Variants in RAP1GAP2 observed in about 807,000 individuals in gnomAD.
RAP1GAP2 encodes the protein rap1 GTPase-activating protein 2.
RAP1GAP2 carries 27 observed loss-of-function variants against 95.0 expected under a neutral mutation model. The ratio of observed to expected loss-of-function variants is 0.28; its 90% CI spans 0.21 to 0.39. The LOEUF (loss-of-function observed/expected upper bound fraction) is 0.39, where lower values mean the gene tolerates loss of function less well. RAP1GAP2 is among the 10% of genes least tolerant of loss of function. The probability of loss-of-function intolerance (pLI) is 1.00; values close to 1 mark genes in which losing one functional copy is unlikely to be tolerated. For missense variants in RAP1GAP2, 771 were observed against 970.0 expected, an observed-to-expected ratio of 0.79 and a Z score of 2.72; for synonymous variants, 373 against 380.9, an observed-to-expected ratio of 0.98 and a Z score of 0.24.
chr17:3,014,432 G>A (rs2046684480), intron 17 of RAP1GAP2, among the ~76,000 whole-genome samples: 1 of 152,122 alleles, frequency 6.6e-6, no homozygotes, highest in Non-Finnish European at 1.5e-5. Context: ...TGACTGCAGT[G>A]TCATTGTGTG....
chr17:2,768,344 C>T (rs1215574411), intron 1 of RAP1GAP2, among the ~76,000 whole-genome samples: 1 of 152,170 alleles, frequency 6.6e-6, no homozygotes, highest in East Asian at 1.9e-4. Flanking sequence ...GTTTCTCTCC[C>T]CACAGGAGGG....
chr17:2,881,857 G>A (rs1430284537), intron 2 of RAP1GAP2, among the ~76,000 whole-genome samples: 1 of 152,132 alleles, frequency 6.6e-6, no homozygotes, highest in Non-Finnish European at 1.5e-5. Flanking sequence ...GTCTCGCTAT[G>A]TCGCCCAAGC....
chr17:2,847,297 G>A (rs755166915), intron 2 of RAP1GAP2, among the ~76,000 whole-genome samples: 2 of 152,134 alleles, frequency 1.3e-5, no homozygotes, highest in Non-Finnish European at 1.5e-5. Context: ...GTGAGCCACC[G>A]CGCCCGGCAT....
At chr17:3,032,364 G>A (rs1452719690) in intron 23 of RAP1GAP2, 47 bp from the exon 24 acceptor site, 2 of 1,613,090 alleles carry the variant, frequency 1.2e-6, no homozygotes, top group South Asian at 1.1e-5. Flanking sequence ...GAAGGGACCT[G>A]TGCTGTCTGG....
At chr17:2,824,093 A>G (rs1317541702) in intron 2 of RAP1GAP2, among the ~76,000 whole-genome samples, 2 of 144,744 alleles carry the variant, frequency 1.4e-5, no homozygotes, top group East Asian at 2.1e-4. Context: ...ACTGCACTCC[A>G]GCCTGGGTGA....
Position 2,963,836 on chromosome 17 carries a change from G to A in RAP1GAP2, c.280-20G>A, listed in dbSNP as rs377088785. 7.7e-6 allele frequency: 12 copies of A among 1,559,610 alleles called. No individual in the cohort carries two copies. The highest frequency in any genetic ancestry group is 1.9e-5 in the Admixed American group (1 of 53,400). On this transcript the variant is annotated intron_variant, in intron 6 of 24. Coordinates refer to ENST00000254695, the MANE Select transcript of RAP1GAP2 (RefSeq NM_015085.5). The surrounding 1 kb of genome is among the most constrained non-coding windows in gnomAD (Gnocchi z 4.8). ...CCCCTGCGGTCCCAGGGGAGCGCAC[G>A]ACCCTCCCTCTGCCTTCAGGTTGTG... is the stretch of plus-strand genomic sequence containing the variant.
At position 2,892,613 on chromosome 17, in the gene RAP1GAP2, A is replaced by G. The variant is rs1324632014; in HGVS notation, c.81-12671A>G. On this transcript the variant is annotated intron_variant, in intron 2 of 24. Transcript: ENST00000254695. ...TTGGAGCATCTGGGCATCTCTCTCC[A>G]TGTAGCCTCTCCATGTTCCCAGCTG... Among the ~76,000 whole-genome samples, 6 of 152,168 alleles carry G rather than the reference A, an allele frequency of 3.9e-5. No individual in the cohort carries two copies. In the East Asian group the frequency reaches 1.2e-3, roughly 29 times the overall value.
In RAP1GAP2 at chr17:3,034,363, C is replaced by T. The variant is rs983441646; in HGVS notation, c.*1002C>T. 5 of 242,946 alleles carry T rather than the reference C, an allele frequency of 2.1e-5. No homozygotes were observed. Among genetic ancestry groups the T allele is most frequent in the Non-Finnish European group, 3.4e-5 (4 of 119,158 alleles). The allele number at this position is 242,946 out of a possible 1,614,324, so 15.0% of individuals were successfully genotyped here. Reference sequence around the variant, plus strand: ...GCTGACAATGGGGGTTCAAGGAAGACGTCGTTATCTCCCCTCCCCACTTAC... The same window carrying T: ...GCTGACAATGGGGGTTCAAGGAAGATGTCGTTATCTCCCCTCCCCACTTAC... On this transcript the variant is annotated 3_prime_UTR_variant, in exon 25 of 25. Transcript: ENST00000254695. The surrounding 1 kb of genome is among the most constrained non-coding windows in gnomAD (Gnocchi z 5.1).
At chr17:2,885,352 G>C (rs1172712216) in intron 2 of RAP1GAP2, among the ~76,000 whole-genome samples, 3 of 152,198 alleles carry the variant, frequency 2.0e-5, no homozygotes, top group Non-Finnish European at 2.9e-5. Context: ...CGTCTTGGCA[G>C]ATCCGGCTGG....
In RAP1GAP2 at chr17:2,965,621, G is replaced by A. The variant is rs1192211526; in HGVS notation, c.574G>A (p.Glu192Lys). ...SVKCEEAEGI[E>K]YLRVILRSKL... ...CAAGTGCGAGGAAGCAGAGGGGATC[G>A]AGTACCTCCGGGTCATCCTTAGGTA... The change falls in exon 8 of 25, where the codon GAG (glutamate) becomes AAG (lysine). Residue 192 changes from glutamate (E) to lysine (K), a missense_variant. By Grantham distance (56) the Glu-to-Lys change is moderately conservative. Transcript: ENST00000254695. This position sits in a 1 kb window ranked among gnomAD's most constrained non-coding sequence, Gnocchi z 4.7. 6 of 1,610,668 alleles carry A rather than the reference G, an allele frequency of 3.7e-6. No homozygotes were observed. The highest frequency in any genetic ancestry group is 2.2e-5 in the East Asian group (1 of 44,818).
intron 3 of RAP1GAP2, among the ~76,000 whole-genome samples, chr17:2,951,750 T>C (rs1302655811): frequency 6.7e-6 from 1 of 149,050 alleles, no homozygotes; most frequent in African/African-American, 2.5e-5. Context: ...ACGTGAAACC[T>C]AGGCTGGGCG....
At chr17:2,946,134 G>C (rs1266632062) in intron 3 of RAP1GAP2, among the ~76,000 whole-genome samples, 1 of 152,124 alleles carries the variant, frequency 6.6e-6, no homozygotes, top group Non-Finnish European at 1.5e-5. Flanking sequence ...TGCATTCCTA[G>C]GATAAATTCC....
At chr17:2,916,694 C>T (rs528100949) in intron 3 of RAP1GAP2, among the ~76,000 whole-genome samples, 5 of 152,162 alleles carry the variant, frequency 3.3e-5, no homozygotes, top group Non-Finnish European at 7.3e-5. Context: ...TCCACAGAAT[C>T]GCTAGTGGAG....
intron 1 of RAP1GAP2, among the ~76,000 whole-genome samples, chr17:2,780,252 T>C (rs1289079110): frequency 6.6e-6 from 1 of 152,226 alleles, no homozygotes; most frequent in Non-Finnish European, 1.5e-5. Context: ...GGTTTCTCCA[T>C]GTTGGTCAGG....
intron 2 of RAP1GAP2, among the ~76,000 whole-genome samples, chr17:2,842,607 T>TC (rs1246881271): frequency 6.7e-6 from 1 of 149,046 alleles, no homozygotes; most frequent in East Asian, 2.0e-4. Context: ...TTTGGAGCCC[T>TC]CCCCTCCCTA....
chr17:2,769,320 C>T (rs567850091), intron 1 of RAP1GAP2, among the ~76,000 whole-genome samples: 43 of 143,490 alleles, frequency 3.0e-4, no homozygotes, highest in African/African-American at 1.1e-3. Context: ...CTTTGGGAGG[C>T]CGAGGCGGGC....
chr17:2,981,324 G>A, intron 10 of RAP1GAP2, 76 bp downstream of exon 10: 1 of 1,370,314 alleles, frequency 7.3e-7, no homozygotes, highest in Non-Finnish European at 1.0e-6. Context: ...TCTTTGGGGA[G>A]TTCTCTGCAT....
At chr17:2,947,936 C>G (rs1303181884) in intron 3 of RAP1GAP2, among the ~76,000 whole-genome samples, 1 of 152,126 alleles carries the variant, frequency 6.6e-6, no homozygotes, top group African/African-American at 2.4e-5. Context: ...GCATCTCCCC[C>G]CGATTTTCCT....
At chr17:2,812,787 C>A (rs978818931) in intron 2 of RAP1GAP2, among the ~76,000 whole-genome samples, 2 of 151,884 alleles carry the variant, frequency 1.3e-5, no homozygotes, top group African/African-American at 4.8e-5. Context: ...GTCAGAAGTT[C>A]GAGACCAGCC....
Sources: allele counts gnomAD v4.1 joint callset (sites outside exome capture counted in the v4.1 genomes callset), GRCh38; gene constraint gnomAD v4.1.1; non-coding constraint Gnocchi (gnomAD v3.1); transcripts MANE v1.5; gene names NCBI Gene and HGNC (gene_info 2026-07-23, HGNC 2026-07-21).